CFTR: variants seen among roughly 807,000 people sequenced by gnomAD.
CFTR encodes cystic fibrosis transmembrane conductance regulator.
In CFTR, 181 loss-of-function variants were observed where a neutral mutation model predicts 171.6. The observed-to-expected ratio is 1.05, with a 90% CI of 0.93 to 1.19. The LOEUF (loss-of-function observed/expected upper bound fraction) is 1.19, where lower values mean the gene tolerates loss of function less well. CFTR is among the 50% of genes most tolerant of loss of function. CFTR has a pLI of 0.00. For synonymous variants in CFTR, 583 were observed against 608.0 expected (o/e 0.96, Z 0.60); for missense variants, 1,968 against 1,734.7 (o/e 1.13, Z -2.39).
At chr7:117,647,860 T>C (rs1211992324) in intron 23 of CFTR, among the ~76,000 whole-genome samples, 2 of 151,534 alleles carry the variant, frequency 1.3e-5, no homozygotes, top group African/African-American at 4.8e-5. Context: ...AAACTTAGGA[T>C]CTTGATTTGT....
At chr7:117,652,968 A>G (rs749419181) in intron 24 of CFTR, 37 bp downstream of exon 24, 9 of 1,188,170 alleles carry the variant, frequency 7.6e-6, no homozygotes, top group African/African-American at 1.5e-5. Context: ...GAAAGGGGTA[A>G]CTCATACCAA....
At chr7:117,649,520 T>TATA (rs1491362667) in intron 23 of CFTR, among the ~76,000 whole-genome samples, 16 of 114,450 alleles carry the variant, frequency 1.4e-4, no homozygotes, top group Admixed American at 2.5e-4. Context: ...TATATATATA[T>TATA]TTTTTTTTTC....
intron 15 of CFTR, among the ~76,000 whole-genome samples, chr7:117,596,903 T>G (rs1326225758): frequency 6.6e-6 from 1 of 151,892 alleles, no homozygotes; most frequent in African/African-American, 2.4e-5. Context: ...GCTAATCTAG[T>G]GAGGAGGTGG....
intron 3 of CFTR, among the ~76,000 whole-genome samples, chr7:117,510,762 G>A (rs912218565): frequency 6.6e-6 from 1 of 151,874 alleles, no homozygotes; most frequent in Non-Finnish European, 1.5e-5. Context: ...TTTTGGTCTG[G>A]TGCATGCCAA....
At chr7:117,514,337 T>C (rs963123037) in intron 3 of CFTR, among the ~76,000 whole-genome samples, 1 of 152,086 alleles carries the variant, frequency 6.6e-6, no homozygotes, top group African/African-American at 2.4e-5. Context: ...GGCCCTGGTG[T>C]ATGTTGTTCC....
intron 1 of CFTR, among the ~76,000 whole-genome samples, chr7:117,492,473 A>G (rs1226238747): frequency 6.6e-6 from 1 of 152,050 alleles, no homozygotes; most frequent in Admixed American, 6.6e-5. Flanking sequence ...TGATTGACCC[A>G]TTAATTTGTT....
chr7:117,620,073 A>T (rs943027129), intron 21 of CFTR, among the ~76,000 whole-genome samples: 7 of 111,856 alleles, frequency 6.3e-5, no homozygotes, highest in Non-Finnish European at 1.2e-4. Context: ...TCATTTCTTC[A>T]ATTTTTTTTT....
intron 17 of CFTR, among the ~76,000 whole-genome samples, chr7:117,606,182 G>T (rs1021576036): frequency 3.3e-5 from 5 of 152,108 alleles, no homozygotes; most frequent in Non-Finnish European, 7.4e-5. Context: ...TGACAAAGGA[G>T]GACAAGACAG....
chr7:117,586,312 A>G (rs889558767), intron 11 of CFTR: 2 of 152,138 alleles, frequency 1.3e-5, no homozygotes, highest in African/African-American at 4.8e-5. Context: ...GCTTATGGGT[A>G]TTAACGACCT....
chr7:117,584,503 G>A (rs1791899708), intron 11 of CFTR, among the ~76,000 whole-genome samples: 1 of 152,000 alleles, frequency 6.6e-6, no homozygotes, highest in East Asian at 1.9e-4. Flanking sequence ...TTTATTTCTG[G>A]GTTCTCTATT....
chr7:117,573,018 A>T (rs186871304), intron 11 of CFTR, among the ~76,000 whole-genome samples: 1 of 151,790 alleles, frequency 6.6e-6, no homozygotes, highest in Non-Finnish European at 1.5e-5. Flanking sequence ...AGGACCATTA[A>T]ATGTAACACT....
intron 18 of CFTR, among the ~76,000 whole-genome samples, chr7:117,606,993 C>T (rs1792309986): frequency 6.6e-6 from 1 of 152,124 alleles, no homozygotes; most frequent in Non-Finnish European, 1.5e-5. Flanking sequence ...TAATAGCTGT[C>T]TACTTGGGAG....
In CFTR at chr7:117,542,141, C is replaced by T. The variant is rs1301720940; in HGVS notation, c.1209+33C>T. On this transcript the variant is annotated intron_variant, in intron 9 of 26. Transcript: ENST00000003084. ...TTTTTAAAAAATTGTTTGCTCTAAA[C>T]ACCTAACTGTTTTCTTCTTTGTGAA... 5 of 995,326 alleles carry T rather than the reference C, an allele frequency of 5.0e-6. No individual in the cohort carries two copies. In the African/African-American group the frequency reaches 8.0e-5, roughly 16 times the overall value. 61.7% of individuals were successfully genotyped at this position (995,326 alleles called of 1,614,324 possible). A position where few individuals can be genotyped will look rare whatever the true frequency, so the allele number is the denominator to read the frequency against.
chr7:117,664,435 C>T (rs746316756), intron 24 of CFTR, among the ~76,000 whole-genome samples: 4 of 152,250 alleles, frequency 2.6e-5, no homozygotes, highest in Admixed American at 6.5e-5. Flanking sequence ...ATACCTGGCA[C>T]GTAATAGACA....
At chr7:117,525,249 G>A (rs191742771) in intron 3 of CFTR, among the ~76,000 whole-genome samples, 9 of 152,176 alleles carry the variant, frequency 5.9e-5, no homozygotes, top group Non-Finnish European at 8.8e-5. Context: ...CTGAGAGATA[G>A]TTTGTTATAA....
intron 11 of CFTR, among the ~76,000 whole-genome samples, chr7:117,575,230 A>G (rs1791753425): frequency 6.6e-6 from 1 of 152,062 alleles, no homozygotes; most frequent in Non-Finnish European, 1.5e-5. Flanking sequence ...GAAAGTTCCC[A>G]TTTCCTCAAA....
At chr7:117,638,151 T>C (rs1019366993) in intron 22 of CFTR, among the ~76,000 whole-genome samples, 1 of 152,132 alleles carries the variant, frequency 6.6e-6, no homozygotes, top group African/African-American at 2.4e-5. Flanking sequence ...AAGTTGTGAT[T>C]CTCTGTACCT....
At chr7:117,648,401 A>T (rs952734336) in intron 23 of CFTR, among the ~76,000 whole-genome samples, 3 of 152,106 alleles carry the variant, frequency 2.0e-5, no homozygotes, top group African/African-American at 7.2e-5. Flanking sequence ...GTTGCCACTG[A>T]GTTGAGTTGA....
intron 2 of CFTR, among the ~76,000 whole-genome samples, chr7:117,506,193 A>G (rs896110264): frequency 2.0e-5 from 3 of 152,204 alleles, no homozygotes; most frequent in Non-Finnish European, 4.4e-5. Context: ...TTGCAGGTAT[A>G]TTGACAAGTT....
Sources: gnomAD v4.1 joint callset for allele counts (sites outside exome capture counted in the v4.1 genomes callset) on GRCh38, gnomAD v4.1.1 for gene constraint, MANE v1.5 for transcripts, NCBI Gene and HGNC (gene_info 2026-07-23, HGNC 2026-07-21) for gene names.